Variants in STK26 observed in about 807,000 individuals in gnomAD.
STK26 encodes serine/threonine-protein kinase 26.
STK26 carries 14 observed loss-of-function variants against 34.7 expected under a neutral mutation model. The observed-to-expected ratio is 0.40, with a 90% confidence interval of 0.27 to 0.63. The LOEUF (loss-of-function observed/expected upper bound fraction) is 0.63. STK26 is among the 30% of genes least tolerant of loss of function. STK26 has a pLI of 0.38. For missense variants in STK26, 226 were observed against 309.1 expected (o/e 0.73, Z 2.02); for synonymous variants, 100 against 109.8 (o/e 0.91, Z 0.56).
chrX:132,063,340 A>G, intron 3 of STK26, 93 bp from the exon 4 acceptor site: 1 of 771,220 alleles, frequency 1.3e-6, no homozygotes, highest in Non-Finnish European at 1.9e-6. Flanking sequence ...ATGCAAATAG[A>G]ATCTGTGCTT....
chrX:132,056,024 G>C (rs1926844664), intron 3 of STK26, among the ~76,000 whole-genome samples: 1 of 112,106 alleles, frequency 8.9e-6, no homozygotes, highest in Non-Finnish European at 1.9e-5. Flanking sequence ...TAATCTACTT[G>C]TTAAATTTAT....
intron 8 of STK26, 87 bp downstream of exon 8, chrX:132,071,304 C>T: frequency 9.9e-7 from 1 of 1,011,617 alleles, no homozygotes; most frequent in Non-Finnish European, 1.4e-6. Flanking sequence ...CTTGTTCTAG[C>T]ATAAAATATA....
chrX:132,071,524 T>A (rs1927415811), intron 8 of STK26, among the ~76,000 whole-genome samples: 1 of 111,909 alleles, frequency 8.9e-6, no homozygotes. Context: ...TTGCTCAAAG[T>A]AATAAGGAGC....
At chrX:132,033,370 G>A (rs1484395255) in intron 2 of STK26, among the ~76,000 whole-genome samples, 1 of 112,121 alleles carries the variant, frequency 8.9e-6, no homozygotes, top group Non-Finnish European at 1.9e-5. Flanking sequence ...ATACTACTAA[G>A]TATGGTGACA....
In STK26 at chrX:132,071,054, TC is replaced by T. The variant is rs1927397744; in HGVS notation, c.784-14del. 8.4e-7 allele frequency: 1 copy of T among 1,194,850 alleles called. No homozygotes were observed. The highest frequency in any genetic ancestry group is 1.8e-5 in the South Asian group (1 of 54,965). Reference sequence around the variant, plus strand: ...CAACAATTGTCATATGCAGCCTTGATCTTTTTATCCTTAGCGTCCTACAGCA... The same window carrying T: ...CAACAATTGTCATATGCAGCCTTGATTTTTTATCCTTAGCGTCCTACAGCA... On this transcript the variant is annotated splice_polypyrimidine_tract_variant and intron_variant, in intron 7 of 11. Transcript: ENST00000394334.
rs193010445 is a variant in STK26, at chrX:132,075,812, C to G, written c.*1653C>G. 56 of 111,983 alleles carry G rather than the reference C, an allele frequency of 5.0e-4. No individual in the cohort carries two copies. The highest frequency in any genetic ancestry group is 4.5e-3 in the Admixed American group (48 of 10,558). The allele number at this position is 111,983 out of a possible 1,213,427, so 9.2% of individuals were successfully genotyped here. ...TATAAATTGATTATTTGAAACTTTACAACACAATTGCATCCCAAATACAAA... is the reference window on the plus strand; with the variant it reads ...TATAAATTGATTATTTGAAACTTTAGAACACAATTGCATCCCAAATACAAA... On this transcript the variant is annotated 3_prime_UTR_variant, in exon 12 of 12. Coordinates refer to ENST00000394334, the MANE Select transcript of STK26 (RefSeq NM_016542.4).
At chrX:132,045,118 T>C (rs1926453931) in intron 2 of STK26, among the ~76,000 whole-genome samples, 1 of 108,640 alleles carries the variant, frequency 9.2e-6, no homozygotes, top group African/African-American at 3.4e-5. Context: ...ACATGGCCAG[T>C]GTGAAGGATG....
Position 132,069,740 on chromosome X carries a change from G to A in STK26, c.783+77G>A, listed in dbSNP as rs1308413647. The A allele has an allele frequency of 2.6e-5, 17 of 663,493 alleles. No homozygotes were observed. In the Admixed American group the frequency reaches 8.8e-4, roughly 34 times the overall value. 54.7% of individuals were successfully genotyped at this position (663,493 alleles called of 1,213,427 possible). On this transcript the variant is annotated intron_variant, in intron 7 of 11. Coordinates refer to ENST00000394334, the MANE Select transcript of STK26 (RefSeq NM_016542.4). ...TATAGCAAAGGCAGCTTTTCCTGCA[G>A]TAGGGAATACAGTGTATGTGAGAAT...
At chrX:132,027,364 C>T (rs1240720339) in intron 2 of STK26, among the ~76,000 whole-genome samples, 1 of 112,252 alleles carries the variant, frequency 8.9e-6, no homozygotes, top group Non-Finnish European at 1.9e-5. Context: ...CTGTAGGCTA[C>T]TGTAAATGTT....
At chrX:132,065,323 C>T (rs1464971143) in intron 4 of STK26, among the ~76,000 whole-genome samples, 1 of 111,530 alleles carries the variant, frequency 9.0e-6, no homozygotes, top group African/African-American at 3.3e-5. Context: ...TTTCATGATC[C>T]TCCTTCCATT....
At chrX:132,055,826 A>G (rs930026068) in intron 3 of STK26, among the ~76,000 whole-genome samples, 1 of 111,942 alleles carries the variant, frequency 8.9e-6, no homozygotes, top group Non-Finnish European at 1.9e-5. Flanking sequence ...AATTAATGCT[A>G]TCATTTTATC....
chrX:132,059,200 T>C (rs2124177279), intron 3 of STK26, among the ~76,000 whole-genome samples: 1 of 111,787 alleles, frequency 8.9e-6, no homozygotes, highest in South Asian at 3.7e-4. Context: ...TACATACTTA[T>C]TGTGGCCCAT....
intron 2 of STK26, among the ~76,000 whole-genome samples, chrX:132,032,082 TG>T (rs1390420752): frequency 2.0e-4 from 22 of 111,706 alleles, no homozygotes; most frequent in African/African-American, 6.5e-4. Flanking sequence ...TATACCTTGC[TG>T]GGGATAGAGC....
intron 2 of STK26, among the ~76,000 whole-genome samples, chrX:132,023,953 T>C (rs1401190570): frequency 9.0e-6 from 1 of 111,353 alleles, no homozygotes; most frequent in Non-Finnish European, 1.9e-5. Context: ...CCTGCTGAGC[T>C]TGGCACGGTT....
chrX:132,040,717 T>C (rs916919477), intron 2 of STK26, among the ~76,000 whole-genome samples: 2 of 111,665 alleles, frequency 1.8e-5, no homozygotes, highest in African/African-American at 3.3e-5. Flanking sequence ...TATAATCACA[T>C]TTGTTTCCTC....
At chrX:132,043,538 C>A (rs934558183) in intron 2 of STK26, among the ~76,000 whole-genome samples, 1 of 111,495 alleles carries the variant, frequency 9.0e-6, no homozygotes, top group South Asian at 3.7e-4. Context: ...TTTATGTAAC[C>A]TCCTGTTTAG....
intron 2 of STK26, among the ~76,000 whole-genome samples, chrX:132,041,281 C>A (rs925604128): frequency 9.0e-6 from 1 of 110,968 alleles, no homozygotes; most frequent in African/African-American, 3.3e-5. Flanking sequence ...GGCTTTCAGA[C>A]TGGGTGTAAA....
At chrX:132,061,121 A>G (rs1338710406) in intron 3 of STK26, among the ~76,000 whole-genome samples, 2 of 112,051 alleles carry the variant, frequency 1.8e-5, no homozygotes, top group African/African-American at 6.5e-5. Context: ...AACTTGGAAA[A>G]CAGGTGCTTT....
At chrX:132,049,534 A>G (rs1205270626) in intron 2 of STK26, among the ~76,000 whole-genome samples, 2 of 112,006 alleles carry the variant, frequency 1.8e-5, no homozygotes, top group African/African-American at 3.3e-5. Flanking sequence ...CTAGCCTGGG[A>G]GAACTGATTT....
Sources: gnomAD v4.1 joint callset for allele counts (sites outside exome capture counted in the v4.1 genomes callset) on GRCh38, gnomAD v4.1.1 for gene constraint, MANE v1.5 for transcripts, NCBI Gene and HGNC (gene_info 2026-07-23, HGNC 2026-07-21) for gene names.